SLC24A2: variants seen among roughly 807,000 people sequenced by gnomAD.
SLC24A2 encodes the protein sodium/potassium/calcium exchanger 2.
In SLC24A2, 36 loss-of-function variants were observed where a neutral mutation model predicts 62.0. The observed-to-expected ratio is 0.58, with a 90% CI of 0.44 to 0.77. The LOEUF is 0.77. Ranked by LOEUF, SLC24A2 falls within the 30% of genes least tolerant of loss-of-function variation. The probability of loss-of-function intolerance (pLI) is 0.00; values close to 1 mark genes in which losing one functional copy is unlikely to be tolerated. For synonymous variants in SLC24A2, 358 were observed against 294.0 expected (o/e 1.22, Z -2.23); for missense variants, 846 against 817.9 (o/e 1.03, Z -0.42).
chr9:20,074,029 G>A, the SLC24A2 span, among the ~76,000 whole-genome samples: 2 of 151,474 alleles, frequency 1.3e-5, no homozygotes, highest in African/African-American at 4.9e-5. Flanking sequence ...TTGAGAAACT[G>A]AGCTACCCAG....
At chr9:20,219,149 C>T in the SLC24A2 span, among the ~76,000 whole-genome samples, 1 of 152,120 alleles carries the variant, frequency 6.6e-6, no homozygotes, top group African/African-American at 2.4e-5. Flanking sequence ...TCAGTCTTCC[C>T]ATTAGTGGAT....
chr9:19,656,780 T>G (rs139890557), intron 2 of SLC24A2, among the ~76,000 whole-genome samples: 2 of 152,306 alleles, frequency 1.3e-5, no homozygotes, highest in African/African-American at 4.8e-5. Context: ...GCAACTGTGG[T>G]AGTTGAAATG....
At chr9:20,064,310 T>C in the SLC24A2 span, among the ~76,000 whole-genome samples, 1 of 152,166 alleles carries the variant, frequency 6.6e-6, no homozygotes, top group East Asian at 1.9e-4. Context: ...TTGCTGGGGC[T>C]GGGAGTGTGT....
At chr9:20,072,285 G>A in the SLC24A2 span, among the ~76,000 whole-genome samples, 2 of 152,080 alleles carry the variant, frequency 1.3e-5, no homozygotes, top group Non-Finnish European at 2.9e-5. Flanking sequence ...TCCAGAGTAT[G>A]GGGCAGGACC....
chr9:20,149,406 A>AT, the SLC24A2 span, among the ~76,000 whole-genome samples: 3 of 151,738 alleles, frequency 2.0e-5, no homozygotes, highest in South Asian at 2.1e-4. Context: ...CATAGGGATG[A>AT]TTTTTTTTCA....
At chr9:19,917,171 C>A in the SLC24A2 span, among the ~76,000 whole-genome samples, 5 of 151,116 alleles carry the variant, frequency 3.3e-5, no homozygotes, top group African/African-American at 1.2e-4. Flanking sequence ...ACATTTATCT[C>A]CCTCTACTTT....
chr9:20,303,446 T>A, the SLC24A2 span, among the ~76,000 whole-genome samples: 1 of 152,210 alleles, frequency 6.6e-6, no homozygotes, highest in African/African-American at 2.4e-5. Context: ...TTTAACGTAT[T>A]CATTTTAAAT....
At chr9:20,201,541 G>C in the SLC24A2 span, among the ~76,000 whole-genome samples, 1 of 152,196 alleles carries the variant, frequency 6.6e-6, no homozygotes, top group African/African-American at 2.4e-5. Context: ...GAAGAAAAGA[G>C]AGCTGTCATG....
At chr9:19,789,906 G>C, upstream of SLC24A2, among the ~76,000 whole-genome samples, 1 of 152,130 alleles carries the variant, frequency 6.6e-6, no homozygotes, top group East Asian at 1.9e-4. Flanking sequence ...CCATCCAAGA[G>C]GGTTTCTTCA....
intron 2 of SLC24A2, among the ~76,000 whole-genome samples, chr9:19,654,159 A>G (rs776266923): frequency 2.6e-5 from 4 of 152,154 alleles, no homozygotes; most frequent in Admixed American, 6.6e-5. Context: ...ACTTTCATAT[A>G]GGATGGAAAT....
the SLC24A2 span, among the ~76,000 whole-genome samples, chr9:19,961,016 A>G: frequency 8.3e-6 from 1 of 120,244 alleles, no homozygotes; most frequent in Admixed American, 9.5e-5. Context: ...TCAGGATTAG[A>G]GGGGTGGGTG....
At chr9:19,944,730 C>T in the SLC24A2 span, among the ~76,000 whole-genome samples, 7 of 149,256 alleles carry the variant, frequency 4.7e-5, no homozygotes, top group East Asian at 1.4e-3. Flanking sequence ...GTATAATGCG[C>T]ATGCAGGTGC....
chr9:19,948,859 A>G, the SLC24A2 span, among the ~76,000 whole-genome samples: 19 of 151,124 alleles, frequency 1.3e-4, no homozygotes, highest in Middle Eastern at 3.4e-3. Flanking sequence ...AAAAAAAAAA[A>G]AAAAAAATGA....
At chr9:19,571,612 A>G (rs562536076) in intron 7 of SLC24A2, among the ~76,000 whole-genome samples, 4 of 152,328 alleles carry the variant, frequency 2.6e-5, no homozygotes, top group African/African-American at 9.6e-5. Context: ...TCTAGGCCTC[A>G]TGGCAGACCT....
chr9:19,988,199 C>T, the SLC24A2 span, among the ~76,000 whole-genome samples: 2 of 152,158 alleles, frequency 1.3e-5, no homozygotes, highest in Non-Finnish European at 2.9e-5. Context: ...TCTTCCCAGA[C>T]AAGCTACCTT....
At chr9:20,042,692 G>GT in the SLC24A2 span, among the ~76,000 whole-genome samples, 2 of 152,116 alleles carry the variant, frequency 1.3e-5, no homozygotes, top group South Asian at 4.1e-4. Flanking sequence ...CAGGTAGTGT[G>GT]TTTTTTACAA....
chr9:19,683,976 A>G (rs879737319), intron 2 of SLC24A2, among the ~76,000 whole-genome samples: 3 of 152,108 alleles, frequency 2.0e-5, no homozygotes, highest in Non-Finnish European at 2.9e-5. Flanking sequence ...GGTTACAAGC[A>G]AAAGAAACTT....
At chr9:20,160,143 C>G in the SLC24A2 span, among the ~76,000 whole-genome samples, 1 of 151,246 alleles carries the variant, frequency 6.6e-6, no homozygotes, top group African/African-American at 2.4e-5. Context: ...AGGTTGCAAT[C>G]TTAATATCAG....
In SLC24A2 at chr9:19,509,574, G is replaced by T. The variant is rs1832637006; in HGVS notation, c.*6579C>A. The T allele has an allele frequency of 6.6e-6, 1 of 152,108 alleles. No individual in the cohort carries two copies. Among genetic ancestry groups the T allele is most frequent in the African/African-American group, 2.4e-5 (1 of 41,504 alleles). 9.4% of individuals were successfully genotyped at this position (152,108 alleles called of 1,614,324 possible). ...TATTAAAAAATTAAAAAACCCAAAA[G>T]GCATCCATTGTCCTTCAGTTTTATT... On this transcript the variant is annotated 3_prime_UTR_variant, in exon 11 of 11. Coordinates refer to ENST00000341998, the MANE Select transcript of SLC24A2 (RefSeq NM_020344.4).
Sources: allele counts gnomAD v4.1 joint callset (sites outside exome capture counted in the v4.1 genomes callset), GRCh38; gene constraint gnomAD v4.1.1; transcripts MANE v1.5; gene names NCBI Gene and HGNC (gene_info 2026-07-23, HGNC 2026-07-21).